The following ELMO1 variants were observed in gnomAD, a reference collection of about 807,000 sequenced individuals.
ELMO1 encodes engulfment and cell motility 1, also known as engulfment and cell motility protein 1.
ELMO1 carries 26 observed loss-of-function variants against 98.9 expected under a neutral mutation model. That is an observed-to-expected ratio of 0.26 (90% CI 0.19 to 0.36). The LOEUF (loss-of-function observed/expected upper bound fraction) is 0.36. Among genes scored for constraint, ELMO1 ranks in the 10% least tolerant of loss-of-function variants. ELMO1 has a pLI of 1.00. For synonymous variants in ELMO1, 346 were observed against 346.0 expected, an observed-to-expected ratio of 1.00 and a Z score of 0.00; for missense variants, 627 against 935.2, an observed-to-expected ratio of 0.67 and a Z score of 4.30.
chr7:37,057,008 C>A (rs1311293317), intron 15 of ELMO1, among the ~76,000 whole-genome samples: 1 of 151,978 alleles, frequency 6.6e-6, no homozygotes, highest in Non-Finnish European at 1.5e-5. Context: ...AAGATAAGTA[C>A]TCAAAAATAT....
intron 16 of ELMO1, among the ~76,000 whole-genome samples, chr7:36,979,436 G>C (rs964516415): frequency 6.6e-5 from 10 of 152,198 alleles, no homozygotes; most frequent in African/African-American, 2.4e-4. Flanking sequence ...AAATTTTAGA[G>C]GGGACAGAAG....
At chr7:37,151,494 G>A (rs373135162) in intron 13 of ELMO1, among the ~76,000 whole-genome samples, 6 of 152,186 alleles carry the variant, frequency 3.9e-5, no homozygotes, top group Non-Finnish European at 8.8e-5. Flanking sequence ...CAAGCCTTCC[G>A]ACCTGTAAAT....
At position 36,995,874 on chromosome 7, in the gene ELMO1, T is replaced by G. The variant is rs547171568; in HGVS notation, c.1437+17425A>C. On this transcript the variant is annotated intron_variant, in intron 16 of 21. Transcript: ENST00000310758. ...AAATGAGATAATCAATGTTGGTGAATTTCCAACATTGAGCCAAAGGATGAT... is the reference window on the plus strand; with the variant it reads ...AAATGAGATAATCAATGTTGGTGAAGTTCCAACATTGAGCCAAAGGATGAT... Among the ~76,000 whole-genome samples the G allele has an allele frequency of 2.0e-5, 3 of 152,270 alleles. 1 individual carries two copies. The East Asian group carries it at 5.8e-4, about 29-fold the overall frequency.
chr7:37,098,255 C>A (rs1439202264), intron 14 of ELMO1, among the ~76,000 whole-genome samples: 1 of 152,200 alleles, frequency 6.6e-6, no homozygotes, highest in African/African-American at 2.4e-5. Context: ...ATTAATTGAG[C>A]ACCTGTTATC....
intron 16 of ELMO1, among the ~76,000 whole-genome samples, chr7:36,962,809 TTAAA>T (rs75444969): frequency 0.096 from 14,606 of 152,136 alleles, 1,057 homozygotes; most frequent in East Asian, 0.28. Flanking sequence ...AACAAAGATC[TTAAA>T]TAAAAGCTTT....
chr7:37,249,141 T>C (rs1795179536), intron 6 of ELMO1, among the ~76,000 whole-genome samples: 2 of 152,190 alleles, frequency 1.3e-5, no homozygotes, highest in Non-Finnish European at 2.9e-5. Flanking sequence ...ATTCAAGCTA[T>C]ACCTCAGTTT....
intron 11 of ELMO1, 80 bp from the exon 12 acceptor site, chr7:37,213,537 TCA>T: frequency 7.5e-7 from 1 of 1,331,410 alleles, no homozygotes; most frequent in Non-Finnish European, 1.0e-6. Flanking sequence ...AAGAAGGCTC[TCA>T]CAGTCTTCAC....
intron 8 of ELMO1, among the ~76,000 whole-genome samples, chr7:37,227,627 C>A (rs1325669527): frequency 6.6e-6 from 1 of 152,154 alleles, no homozygotes; most frequent in Non-Finnish European, 1.5e-5. Context: ...CTCAAGTAAT[C>A]CACCCGCCTC....
At chr7:37,023,154 G>A (rs145737565) in intron 15 of ELMO1, among the ~76,000 whole-genome samples, 27 of 152,272 alleles carry the variant, frequency 1.8e-4, no homozygotes, top group African/African-American at 6.5e-4. Context: ...TCTGAGGGTT[G>A]TTTAATATCT....
intron 13 of ELMO1, among the ~76,000 whole-genome samples, chr7:37,197,492 C>G (rs1157433871): frequency 6.6e-6 from 1 of 152,184 alleles, no homozygotes; most frequent in Non-Finnish European, 1.5e-5. Flanking sequence ...ACACTGAATT[C>G]AGAGGTAGGA....
chr7:37,178,148 G>A (rs1310083570), intron 13 of ELMO1, among the ~76,000 whole-genome samples: 1 of 151,952 alleles, frequency 6.6e-6, no homozygotes, highest in Non-Finnish European at 1.5e-5. Flanking sequence ...CCCGAGACTG[G>A]GTAATTCATA....
chr7:37,220,245 T>C (rs369393993), intron 10 of ELMO1, among the ~76,000 whole-genome samples: 60 of 152,374 alleles, frequency 3.9e-4, no homozygotes, highest in African/African-American at 1.4e-3. Flanking sequence ...TTTATTTTGA[T>C]GAACAACATT....
At chr7:37,411,317 CTT>C (rs1389722908) in intron 1 of ELMO1, among the ~76,000 whole-genome samples, 2 of 152,198 alleles carry the variant, frequency 1.3e-5, no homozygotes, top group Non-Finnish European at 2.9e-5. Flanking sequence ...TCCTACAACA[CTT>C]TATTTTAAAA....
At chr7:37,329,798 T>C (rs1800006231) in intron 2 of ELMO1, among the ~76,000 whole-genome samples, 1 of 152,140 alleles carries the variant, frequency 6.6e-6, no homozygotes, top group African/African-American at 2.4e-5. Flanking sequence ...ACATAATCAA[T>C]CATCAATTTT....
chr7:37,383,223 G>A (rs1165520418), intron 1 of ELMO1, among the ~76,000 whole-genome samples: 1 of 152,168 alleles, frequency 6.6e-6, no homozygotes, highest in African/African-American at 2.4e-5. Context: ...ATTGCTTAGG[G>A]CATTGAGTTT....
At chr7:37,280,505 A>C (rs1245712353) in intron 4 of ELMO1, among the ~76,000 whole-genome samples, 1 of 152,134 alleles carries the variant, frequency 6.6e-6, no homozygotes, top group Non-Finnish European at 1.5e-5. Flanking sequence ...CAAATCAGTA[A>C]GAAAAAAAAA....
chr7:37,079,944 G>A (rs549890777), intron 15 of ELMO1, among the ~76,000 whole-genome samples: 5 of 152,240 alleles, frequency 3.3e-5, no homozygotes, highest in African/African-American at 1.2e-4. Context: ...CTAAACTCCA[G>A]ACACATATAT....
intron 14 of ELMO1, among the ~76,000 whole-genome samples, chr7:37,097,613 A>AG (rs1280192778): frequency 5.9e-5 from 9 of 151,808 alleles, no homozygotes; most frequent in African/African-American, 1.9e-4. Context: ...AAAGAGAAAA[A>AG]AAAAGAAAGA....
At chr7:37,118,429 G>C (rs1289373116) in intron 14 of ELMO1, among the ~76,000 whole-genome samples, 1 of 152,164 alleles carries the variant, frequency 6.6e-6, no homozygotes, top group Non-Finnish European at 1.5e-5. Flanking sequence ...CTTTTCTTCA[G>C]TCTCAGGAGG....
Sources: allele counts gnomAD v4.1 joint callset (sites outside exome capture counted in the v4.1 genomes callset), GRCh38; gene constraint gnomAD v4.1.1; transcripts MANE v1.5; gene names NCBI Gene and HGNC (gene_info 2026-07-23, HGNC 2026-07-21).